Variants in SERPINE3 observed in about 807,000 individuals in gnomAD.
The protein encoded by SERPINE3 is serpin family E member 3.
SERPINE3 carries 43 observed loss-of-function variants against 41.7 expected under a neutral mutation model. The observed-to-expected ratio is 1.03, with a 90% CI of 0.81 to 1.33. SERPINE3 has a LOEUF of 1.33. SERPINE3 is among the 40% of genes most tolerant of loss of function. The pLI is 0.00. For synonymous variants in SERPINE3, 200 were observed against 192.2 expected (o/e 1.04, Z -0.34); for missense variants, 440 against 491.7 (o/e 0.89, Z 0.99).
At chr13:51,344,086 A>G (rs1955320193) in intron 3 of SERPINE3, among the ~76,000 whole-genome samples, 166 bp from the exon 4 acceptor site, 1 of 152,140 alleles carries the variant, frequency 6.6e-6, no homozygotes, top group Non-Finnish European at 1.5e-5. Context: ...CTGATTTCTG[A>G]GCACATTAGC....
At chr13:51,344,592 C>T in intron 4 of SERPINE3, 107 bp downstream of exon 4, 3 of 833,086 alleles carry the variant, frequency 3.6e-6, no homozygotes, top group Non-Finnish European at 3.9e-6. Context: ...CCTTCAATTA[C>T]AGCAGAAGTC....
At chr13:51,362,258 G>A in intron 9 of SERPINE3, 1 of 385,850 alleles carries the variant, frequency 2.6e-6, no homozygotes, top group Non-Finnish European at 4.5e-6. Context: ...TATCATTTTA[G>A]AGTTTTTTCA....
At chr13:51,359,055 C>T (rs1057196746) in intron 7 of SERPINE3, among the ~76,000 whole-genome samples, 5 of 152,088 alleles carry the variant, frequency 3.3e-5, no homozygotes, top group Non-Finnish European at 5.9e-5. Context: ...GCATCTCCCA[C>T]ATATAATTAA....
chr13:51,344,213 A>T, intron 3 of SERPINE3, 39 bp from the exon 4 acceptor site: 1 of 1,496,336 alleles, frequency 6.7e-7, no homozygotes, highest in Non-Finnish European at 9.3e-7. Context: ...CCTTACTCAC[A>T]CTCACCATTG....
At chr13:51,344,109 A>T in intron 3 of SERPINE3, 143 bp from the exon 4 acceptor site, 1 of 656,642 alleles carries the variant, frequency 1.5e-6, no homozygotes. Context: ...TGACTTTTTC[A>T]AACTGGCTTT....
In SERPINE3 at chr13:51,348,256, G is replaced by T; in HGVS notation, c.744G>T (p.Glu248Asp). Residue 248 changes from glutamate (E) to aspartate (D), a missense_variant, in exon 6 of 10, where the codon GAG becomes GAT. By Grantham distance (45) the Glu-to-Asp change is conservative. Transcript: ENST00000681248. ...DTAGHQVGVL[E>D]LPYLGSAVSL... Reference sequence around the variant, plus strand: ...CAGGCCATCAGGTGGGGGTGCTGGAGCTTCCTTACCTGGGAAGTGCAGTGA... The same window carrying T: ...CAGGCCATCAGGTGGGGGTGCTGGATCTTCCTTACCTGGGAAGTGCAGTGA... The T allele has an allele frequency of 6.2e-7, 1 of 1,606,458 alleles. No homozygotes were observed. The highest frequency in any genetic ancestry group is 8.5e-7 in the Non-Finnish European group (1 of 1,176,494).
chr13:51,347,205 T>C lies in SERPINE3; in HGVS notation c.671T>C (p.Met224Thr). The C allele has an allele frequency of 2.5e-6, 4 of 1,613,948 alleles. No homozygotes were observed. The highest frequency in any genetic ancestry group is 3.4e-6 in the Non-Finnish European group (4 of 1,179,872). Residue 224 changes from methionine (M) to threonine (T), a missense_variant, in exon 5 of 10, where the codon ATG becomes ACG. Met to Thr is a moderately conservative substitution (Grantham distance 81). Coordinates refer to ENST00000681248, the MANE Select transcript of SERPINE3 (RefSeq NM_001386375.1). ...CAYGLVLQVP[M>T]MHQTTEVNYG... ...TATGGCCTCGTCCTTCAGGTCCCCA[T>C]GATGCACCAAACGACCGAGGTCAAC...
intron 7 of SERPINE3, 143 bp from the exon 8 acceptor site, chr13:51,361,135 G>T (rs1955567996): frequency 1.9e-6 from 1 of 532,628 alleles, no homozygotes; most frequent in Non-Finnish European, 3.4e-6. Flanking sequence ...AACAAAAACA[G>T]AATTTTCCAC....
In SERPINE3 at chr13:51,344,454, G is replaced by T. The variant is rs778837662; in HGVS notation, c.459G>T (p.Gln153His). 1.3e-5 allele frequency: 21 copies of T among 1,599,436 alleles called. No individual in the cohort carries two copies. Among genetic ancestry groups the T allele is most frequent in the Non-Finnish European group, 1.1e-5 (13 of 1,172,622 alleles). The change falls in exon 4 of 10, where the codon CAG (glutamine) becomes CAT (histidine). Residue 153 changes from glutamine (Q) to histidine (H), a missense_variant. Physicochemically the swap from Gln to His is conservative, Grantham distance 24. Transcript: ENST00000681248. ...DLSEPNSTAIQTSEGASRETA... is the reference protein window; with the variant it reads ...DLSEPNSTAIHTSEGASRETA... ...GTGAGCCCAATAGCACCGCCATCCA[G>T]ACTAGCGAAGGGGCCTCCAGAGAGA...
intron 1 of SERPINE3, among the ~76,000 whole-genome samples, chr13:51,340,181 CTCT>C (rs1290126237): frequency 8.5e-5 from 13 of 152,130 alleles, no homozygotes; most frequent in African/African-American, 3.1e-4. Context: ...GACTCTGGAC[CTCT>C]TCTTACATCA....
intron 7 of SERPINE3, among the ~76,000 whole-genome samples, chr13:51,357,895 G>C (rs1210530051): frequency 1.3e-5 from 2 of 152,114 alleles, no homozygotes; most frequent in Non-Finnish European, 2.9e-5. Context: ...TAAGTAGGTA[G>C]TTTCCAATCT....
At chr13:51,353,985 C>T (rs998615021) in intron 6 of SERPINE3, 12 of 152,088 alleles carry the variant, frequency 7.9e-5, no homozygotes, top group Non-Finnish European at 1.8e-4. Flanking sequence ...TGTAGTGATT[C>T]TTTGTGCTCA....
intron 7 of SERPINE3, among the ~76,000 whole-genome samples, chr13:51,358,129 C>G (rs1348671549): frequency 6.6e-6 from 1 of 152,086 alleles, no homozygotes; most frequent in Non-Finnish European, 1.5e-5. Context: ...TTAGCACTCT[C>G]TCTCCCTCTC....
rs1263495982 is a variant in SERPINE3, at chr13:51,341,299, G to A, written c.208G>A (p.Gly70Arg). 2.5e-6 allele frequency: 4 copies of A among 1,613,176 alleles called. No individual in the cohort carries two copies. Among genetic ancestry groups the A allele is most frequent in the Non-Finnish European group, 3.4e-6 (4 of 1,179,472 alleles). ...PLEILQFGAE[G>R]STGQQLADAL... ...GGAGATCCTGCAGTTTGGAGCAGAAGGGAGCACTGGTCAGCAGCTGGCAGA... is the reference window on the plus strand; with the variant it reads ...GGAGATCCTGCAGTTTGGAGCAGAAAGGAGCACTGGTCAGCAGCTGGCAGA... The change falls in exon 3 of 10, where the codon GGG becomes AGG. Residue 70 changes from glycine to arginine, a missense_variant. By Grantham distance (125) the Gly-to-Arg change is moderately radical (BLOSUM62 -2). Transcript: ENST00000681248.
intron 7 of SERPINE3, among the ~76,000 whole-genome samples, chr13:51,359,132 C>T (rs888721475): frequency 2.0e-5 from 3 of 151,950 alleles, no homozygotes; most frequent in African/African-American, 7.3e-5. Flanking sequence ...GAAAATAGGG[C>T]GTATGTCCCT....
chr13:51,344,595 C>A, intron 4 of SERPINE3, 110 bp downstream of exon 4: 1 of 822,534 alleles, frequency 1.2e-6, no homozygotes, highest in African/African-American at 1.7e-5. Context: ...TCAATTACAG[C>A]AGAAGTCTGT....
chr13:51,355,322 G>A (rs1357184962), intron 7 of SERPINE3, among the ~76,000 whole-genome samples, 179 bp downstream of exon 7: 4 of 152,142 alleles, frequency 2.6e-5, no homozygotes, highest in Non-Finnish European at 5.9e-5. Flanking sequence ...GATCTTGTGA[G>A]GAAGGGATGT....
chr13:51,344,522 A>G, intron 4 of SERPINE3, 37 bp downstream of exon 4: 1 of 1,471,576 alleles, frequency 6.8e-7, no homozygotes, highest in Non-Finnish European at 9.3e-7. Context: ...AGGCTAAGGC[A>G]GAGGGCTGCA....
chr13:51,342,714 TCAGGTCA>T (rs1250597746), intron 3 of SERPINE3, among the ~76,000 whole-genome samples: 8 of 152,162 alleles, frequency 5.3e-5, no homozygotes, highest in African/African-American at 1.9e-4. Flanking sequence ...TGACCATTCC[TCAGGTCA>T]CACCACACTA....
Sources: allele counts gnomAD v4.1 joint callset (sites outside exome capture counted in the v4.1 genomes callset), GRCh38; gene constraint gnomAD v4.1.1; transcripts MANE v1.5; gene names NCBI Gene and HGNC (gene_info 2026-07-23, HGNC 2026-07-21).